The following PDILT variants were observed in gnomAD, a reference collection of about 807,000 sequenced individuals.
The protein encoded by PDILT is protein disulfide isomerase like, testis expressed, also known as protein disulfide-isomerase-like protein of the testis.
PDILT carries 43 observed loss-of-function variants against 53.7 expected under a neutral mutation model. The observed-to-expected ratio is 0.80, with a 90% CI of 0.63 to 1.03. The LOEUF is 1.03. Ranked by LOEUF, PDILT falls within the 50% of genes least tolerant of loss-of-function variation. The pLI, the probability that PDILT is intolerant of heterozygous loss-of-function variation, is 0.00. For synonymous variants in PDILT, 282 were observed against 274.2 expected, an observed-to-expected ratio of 1.03 and a Z score of -0.28; for missense variants, 727 against 712.3, an observed-to-expected ratio of 1.02 and a Z score of -0.24.
Position 20,372,903 on chromosome 16 carries a change from G to A in PDILT, c.817C>T (p.His273Tyr). Residue 273 changes from histidine to tyrosine, a missense_variant, in exon 7 of 12, where the codon CAC becomes TAC. Coordinates refer to ENST00000302451, the MANE Select transcript of PDILT (RefSeq NM_174924.2). ...TENKDLISEL[H>Y]IMSHMLLFVS... is the part of the protein sequence containing the mutation. The stretch of plus-strand genomic sequence containing the variant: ...AACAGCAGCATGTGACTCATGATGT[G>A]CAACTCGGAAATCAGATCCTTATTC... The A allele has an allele frequency of 6.2e-7, 1 of 1,614,016 alleles. No individual in the cohort carries two copies. Among genetic ancestry groups the A allele is most frequent in the Non-Finnish European group, 8.5e-7 (1 of 1,179,950 alleles).
chr16:20,366,936 T>TTTCCTTCCTTCCTTCCTTCCTTCC (rs554919222), intron 8 of PDILT, among the ~76,000 whole-genome samples: 1 of 35,668 alleles, frequency 2.8e-5, no homozygotes, highest in Non-Finnish European at 9.1e-5. Context: ...AACCAAATTC[T>TTTCCTTCCTTCCTTCCTTCCTTCC]TTCCTTCCTT....
At chr16:20,382,449 G>A (rs185805141) in intron 3 of PDILT, among the ~76,000 whole-genome samples, 33 of 152,288 alleles carry the variant, frequency 2.2e-4, no homozygotes, top group Admixed American at 9.2e-4. Flanking sequence ...CAGCAGATCT[G>A]AGTAGTTACA....
chr16:20,370,798 C>T (rs12926567), intron 7 of PDILT, among the ~76,000 whole-genome samples: 53,187 of 151,918 alleles, frequency 0.35, 11,582 homozygotes, highest in Non-Finnish European at 0.49. Context: ...CCACCAAAAC[C>T]GAGATGGTGA....
intron 3 of PDILT, among the ~76,000 whole-genome samples, chr16:20,382,359 G>A (rs79295501): frequency 0.021 from 3,249 of 152,306 alleles, 111 homozygotes; most frequent in African/African-American, 0.073. Flanking sequence ...AATCTGGCCT[G>A]CTGTTTGACT....
chr16:20,388,932 A>C (rs1241516213), intron 2 of PDILT: 1 of 152,006 alleles, frequency 6.6e-6, no homozygotes, highest in Non-Finnish European at 1.5e-5. Context: ...AAAAAATTGC[A>C]AATTGGTTTT....
intron 7 of PDILT, among the ~76,000 whole-genome samples, chr16:20,371,831 GA>G (rs373535210): frequency 6.0e-5 from 9 of 149,256 alleles, no homozygotes; most frequent in South Asian, 4.3e-4. Context: ...AGTAAAATTG[GA>G]AAAAAAAAGA....
At chr16:20,383,069 C>T (rs1343180304) in intron 3 of PDILT, among the ~76,000 whole-genome samples, 1 of 152,198 alleles carries the variant, frequency 6.6e-6, no homozygotes, top group Admixed American at 6.5e-5. Context: ...GATGATGAAG[C>T]TTCCTGTATG....
intron 3 of PDILT, among the ~76,000 whole-genome samples, chr16:20,381,634 CAAAAAAAAA>C (rs1034720000): frequency 1.7e-4 from 10 of 58,592 alleles, no homozygotes; most frequent in African/African-American, 5.3e-4. Flanking sequence ...GACTCCATCT[CAAAAAAAAA>C]AAAAAAAAAA....
chr16:20,365,684 G>T (rs964092128), intron 8 of PDILT, 144 bp from the exon 9 acceptor site: 1 of 1,064,616 alleles, frequency 9.4e-7, no homozygotes, highest in Non-Finnish European at 1.4e-6. Context: ...TACTGAGATG[G>T]ATCATGAGCT....
intron 7 of PDILT, among the ~76,000 whole-genome samples, chr16:20,370,977 A>T (rs1241633056): frequency 6.6e-6 from 1 of 152,246 alleles, no homozygotes; most frequent in African/African-American, 2.4e-5. Context: ...AAAAATGGCA[A>T]CCAGCCGCCC....
intron 2 of PDILT, among the ~76,000 whole-genome samples, chr16:20,393,272 C>A (rs1210059481): frequency 6.6e-6 from 1 of 152,162 alleles, no homozygotes; most frequent in Non-Finnish European, 1.5e-5. Context: ...GAAATGCCTG[C>A]CGTGCTCACA....
chr16:20,362,676 G>T, intron 9 of PDILT, 94 bp from the exon 10 acceptor site: 2 of 1,260,470 alleles, frequency 1.6e-6, no homozygotes, highest in African/African-American at 1.5e-5. Flanking sequence ...TCCACTTGTG[G>T]TCCTGCTGTT....
At chr16:20,384,605 C>A (rs1596591976) in intron 3 of PDILT, 40 bp downstream of exon 3, 2 of 1,611,970 alleles carry the variant, frequency 1.2e-6, no homozygotes, top group East Asian at 4.5e-5. Flanking sequence ...AGTGGACTTT[C>A]CATGAGCATG....
Position 20,399,136 on chromosome 16 carries a change from C to T in PDILT, c.165G>A (p.Gln55=), listed in dbSNP as rs1163121487. The part of the protein sequence containing the change: ...LLVLTPAGLT[Q]MLNQTRFLMV... The stretch of plus-strand genomic sequence containing the variant: ...TGAGGAAGCGGGTCTGGTTCAGCAT[C>T]TGGGTCAGGCCAGCGGGCGTTAGCA... The change falls in exon 2 of 12, where the codon CAG becomes CAA. Residue 55 remains glutamine (Q), a synonymous_variant. Transcript: ENST00000302451. The T allele has an allele frequency of 6.2e-7, 1 of 1,614,208 alleles. No homozygotes were observed. The highest frequency in any genetic ancestry group is 1.1e-5 in the South Asian group (1 of 91,080).
At chr16:20,375,782 A>G (rs984852528) in intron 4 of PDILT, among the ~76,000 whole-genome samples, 2 of 149,322 alleles carry the variant, frequency 1.3e-5, no homozygotes, top group Admixed American at 6.6e-5. Flanking sequence ...ATAGAGAACA[A>G]TGGCTCTGAA....
intron 2 of PDILT, among the ~76,000 whole-genome samples, chr16:20,385,320 A>G (rs1390726064): frequency 6.6e-6 from 1 of 152,228 alleles, no homozygotes; most frequent in Non-Finnish European, 1.5e-5. Context: ...GCTGAAGCAC[A>G]ACAAATGACT....
At chr16:20,388,069 T>C (rs867261459) in intron 2 of PDILT, among the ~76,000 whole-genome samples, 4 of 151,988 alleles carry the variant, frequency 2.6e-5, no homozygotes, top group South Asian at 2.1e-4. Flanking sequence ...AGTTTGGATA[T>C]GGAACATGGT....
chr16:20,381,567 C>T (rs757616983), intron 3 of PDILT, among the ~76,000 whole-genome samples: 30 of 142,320 alleles, frequency 2.1e-4, no homozygotes, highest in Non-Finnish European at 3.9e-4. Context: ...ACCCGGGAGG[C>T]GGAGGTTGCA....
chr16:20,396,012 A>T (rs1481226101), intron 2 of PDILT, among the ~76,000 whole-genome samples: 2 of 152,186 alleles, frequency 1.3e-5, no homozygotes, highest in African/African-American at 4.8e-5. Context: ...CAAAGACATC[A>T]CCATTAGCAG....
Sources: allele counts gnomAD v4.1 joint callset (sites outside exome capture counted in the v4.1 genomes callset), GRCh38; gene constraint gnomAD v4.1.1; transcripts MANE v1.5; gene names NCBI Gene and HGNC (gene_info 2026-07-23, HGNC 2026-07-21).